The following TRPM3 variants were observed in gnomAD, a reference collection of about 807,000 sequenced individuals.
TRPM3 encodes the protein long transient receptor potential channel 3.
In TRPM3, 77 loss-of-function variants were observed where a neutral mutation model predicts 181.2. That is an observed-to-expected ratio of 0.42 (90% confidence interval 0.35 to 0.51). The LOEUF (loss-of-function observed/expected upper bound fraction) is 0.51, where lower values mean the gene tolerates loss of function less well. TRPM3 is among the 20% of genes least tolerant of loss of function. TRPM3 has a pLI of 0.01. For missense variants in TRPM3, 1,759 were observed against 2,196.7 expected (o/e 0.80, Z 3.98); for synonymous variants, 745 against 796.4 (o/e 0.94, Z 1.09).
At chr9:71,276,130 T>TGCA (rs2084195197) in intron 1 of TRPM3, among the ~76,000 whole-genome samples, 1 of 152,156 alleles carries the variant, frequency 6.6e-6, no homozygotes, top group Non-Finnish European at 1.5e-5. Flanking sequence ...CATGAGCCAC[T>TGCA]GCACCCGGCT....
At chr9:70,767,175 G>C (rs1240840440) in intron 7 of TRPM3, among the ~76,000 whole-genome samples, 2 of 152,210 alleles carry the variant, frequency 1.3e-5, no homozygotes, top group East Asian at 3.9e-4. Context: ...GAGTCCGGTG[G>C]TGTAAGGCTG....
At chr9:71,236,225 T>C (rs2081342683) in intron 1 of TRPM3, among the ~76,000 whole-genome samples, 1 of 152,238 alleles carries the variant, frequency 6.6e-6, no homozygotes, top group Non-Finnish European at 1.5e-5. Context: ...TAGTGTTAGA[T>C]CCACAACTTT....
intron 6 of TRPM3, among the ~76,000 whole-genome samples, chr9:70,820,617 G>A (rs942758967): frequency 6.6e-6 from 1 of 152,288 alleles, no homozygotes; most frequent in Admixed American, 6.5e-5. Flanking sequence ...ATGGCAGTGA[G>A]GCTGTGTAGA....
At chr9:71,052,316 G>A (rs2060147844) in intron 1 of TRPM3, among the ~76,000 whole-genome samples, 1 of 152,102 alleles carries the variant, frequency 6.6e-6, no homozygotes, top group African/African-American at 2.4e-5. Context: ...AAAGAGTCTG[G>A]AAGACAGCTG....
At chr9:70,588,562 C>T (rs560865985) in intron 22 of TRPM3, among the ~76,000 whole-genome samples, 6 of 152,092 alleles carry the variant, frequency 3.9e-5, no homozygotes, top group Admixed American at 1.3e-4. Context: ...TCAGAAGGCC[C>T]GCACGGGGTA....
At chr9:70,574,801 C>T (rs1181368500) in intron 22 of TRPM3, among the ~76,000 whole-genome samples, 1 of 152,134 alleles carries the variant, frequency 6.6e-6, no homozygotes, top group African/African-American at 2.4e-5. Flanking sequence ...GGGAGAAACA[C>T]AATCATGGTT....
intron 1 of TRPM3, among the ~76,000 whole-genome samples, chr9:71,379,262 A>C (rs1216373056): frequency 6.6e-6 from 1 of 152,084 alleles, no homozygotes; most frequent in East Asian, 1.9e-4. Flanking sequence ...TTCTGCAGAT[A>C]TAAAATGTTG....
chr9:71,074,082 C>A (rs916778033), intron 1 of TRPM3, among the ~76,000 whole-genome samples: 2 of 152,166 alleles, frequency 1.3e-5, no homozygotes, highest in African/African-American at 4.8e-5. Context: ...CTAAAAGAGG[C>A]TAGCGGAACC....
At chr9:71,329,252 G>A (rs1565467373) in intron 1 of TRPM3, among the ~76,000 whole-genome samples, 1 of 152,144 alleles carries the variant, frequency 6.6e-6, no homozygotes, top group African/African-American at 2.4e-5. Context: ...TTTCATGTGT[G>A]TTTATTTTGT....
At chr9:71,413,215 G>A (rs2093587435) in intron 1 of TRPM3, among the ~76,000 whole-genome samples, 1 of 151,994 alleles carries the variant, frequency 6.6e-6, no homozygotes, top group Admixed American at 6.6e-5. Flanking sequence ...CCTGCATGTT[G>A]TGTACATATA....
At chr9:70,917,917 A>G (rs1313549302) in intron 1 of TRPM3, among the ~76,000 whole-genome samples, 2 of 152,132 alleles carry the variant, frequency 1.3e-5, no homozygotes, top group Non-Finnish European at 2.9e-5. Flanking sequence ...TTCACCTATA[A>G]AGACACACAC....
At chr9:71,343,808 T>C (rs535663097) in intron 1 of TRPM3, among the ~76,000 whole-genome samples, 101 of 152,056 alleles carry the variant, frequency 6.6e-4, no homozygotes, top group Admixed American at 2.9e-3. Context: ...CCAGGTCTGA[T>C]GTGGGGAAAA....
intron 7 of TRPM3, among the ~76,000 whole-genome samples, chr9:70,783,359 CCTCAAT>C (rs887542790): frequency 6.6e-6 from 1 of 152,092 alleles, no homozygotes; most frequent in African/African-American, 2.4e-5. Flanking sequence ...GGTTTTACCC[CCTCAAT>C]CTCACTCACA....
chr9:71,316,154 AGAG>A (rs1487032754), intron 1 of TRPM3, among the ~76,000 whole-genome samples: 3 of 152,208 alleles, frequency 2.0e-5, no homozygotes, highest in African/African-American at 7.2e-5. Flanking sequence ...GAATGAACAA[AGAG>A]GATTGCTCTA....
chr9:70,653,502 C>T (rs572011533), intron 9 of TRPM3, among the ~76,000 whole-genome samples: 1 of 151,658 alleles, frequency 6.6e-6, no homozygotes, highest in Non-Finnish European at 1.5e-5. Flanking sequence ...TTTCTCCCAT[C>T]AGATTTGACC....
intron 1 of TRPM3, among the ~76,000 whole-genome samples, chr9:70,962,700 GACAA>G (rs1339217718): frequency 6.6e-6 from 1 of 152,040 alleles, no homozygotes; most frequent in Non-Finnish European, 1.5e-5. Context: ...AACAGTAAGA[GACAA>G]ACAACAATAT....
chr9:71,014,980 C>CT (rs1374930019), intron 1 of TRPM3, among the ~76,000 whole-genome samples: 2 of 152,098 alleles, frequency 1.3e-5, no homozygotes, highest in East Asian at 1.9e-4. Context: ...AGAAAGTTTC[C>CT]TTTTTTTCAG....
chr9:70,995,519 C>T (rs966934198), intron 1 of TRPM3, among the ~76,000 whole-genome samples: 3 of 152,058 alleles, frequency 2.0e-5, no homozygotes, highest in African/African-American at 7.2e-5. Context: ...GTCATCCCTG[C>T]ACATCTAGAG....
chr9:70,671,334 T>G (rs920667243), intron 9 of TRPM3, among the ~76,000 whole-genome samples: 3 of 152,086 alleles, frequency 2.0e-5, no homozygotes, highest in African/African-American at 7.2e-5. Context: ...ATGCAGGGAC[T>G]GTGGGTAGGA....
Sources: allele counts gnomAD v4.1 joint callset (sites outside exome capture counted in the v4.1 genomes callset), GRCh38; gene constraint gnomAD v4.1.1; transcripts MANE v1.5; gene names NCBI Gene and HGNC (gene_info 2026-07-23, HGNC 2026-07-21).